Variants in TSPAN5 observed in about 807,000 individuals in gnomAD.
TSPAN5 encodes tetraspanin-5.
In TSPAN5, 10 loss-of-function variants were observed where a neutral mutation model predicts 37.1. The ratio of observed to expected loss-of-function variants is 0.27; its 90% CI spans 0.17 to 0.46. The LOEUF (loss-of-function observed/expected upper bound fraction) is 0.46, where lower values mean the gene tolerates loss of function less well. TSPAN5 is among the 20% of genes least tolerant of loss of function. The pLI is 1.00. For missense variants in TSPAN5, 195 were observed against 326.6 expected, an observed-to-expected ratio of 0.60 and a Z score of 3.11; for synonymous variants, 110 against 118.9, an observed-to-expected ratio of 0.93 and a Z score of 0.48.
chr4:98,519,714 C>T (rs534241502), intron 1 of TSPAN5, among the ~76,000 whole-genome samples: 4 of 152,216 alleles, frequency 2.6e-5, no homozygotes, highest in African/African-American at 9.6e-5. Flanking sequence ...CAGTTTTAGG[C>T]GTTATTACCA....
chr4:98,639,075 C>G (rs898560589), intron 1 of TSPAN5, among the ~76,000 whole-genome samples: 2 of 152,178 alleles, frequency 1.3e-5, no homozygotes, highest in African/African-American at 4.8e-5. Flanking sequence ...AAAGAACGTT[C>G]TTGGTATACT....
At position 98,528,221 on chromosome 4, in the gene TSPAN5, A is replaced by G. The variant is rs1754005243; in HGVS notation, c.82-20493T>C. ...CTATTCAATGGTTATGGACTAATAT[A>G]TGAACTCTCTTTAAAAGAAAAAAGT... is the stretch of plus-strand genomic sequence containing the variant. On this transcript the variant is annotated intron_variant, in intron 1 of 7. Coordinates refer to ENST00000305798, the MANE Select transcript of TSPAN5 (RefSeq NM_005723.4). 2.6e-5 allele frequency among the ~76,000 whole-genome samples: 4 copies of G among 152,300 alleles called. No homozygotes were observed. In the South Asian group the frequency reaches 8.3e-4, roughly 32 times the overall value.
At chr4:98,642,088 G>C (rs1756971005) in intron 1 of TSPAN5, among the ~76,000 whole-genome samples, 1 of 152,174 alleles carries the variant, frequency 6.6e-6, no homozygotes, top group South Asian at 2.1e-4. Flanking sequence ...GTGCTAAAAA[G>C]ATTGGCCAAA....
intron 1 of TSPAN5, among the ~76,000 whole-genome samples, chr4:98,546,868 C>T (rs528207038): frequency 5.9e-5 from 9 of 152,298 alleles, no homozygotes; most frequent in Non-Finnish European, 1.0e-4. Context: ...TTTCACAAAA[C>T]CCCCAATATC....
intron 1 of TSPAN5, among the ~76,000 whole-genome samples, chr4:98,569,057 C>T (rs1190975637): frequency 6.6e-6 from 1 of 152,210 alleles, no homozygotes; most frequent in African/African-American, 2.4e-5. Flanking sequence ...ACTGGCAAGC[C>T]TCCTGACTGT....
At chr4:98,515,935 A>G (rs1285288504) in intron 1 of TSPAN5, among the ~76,000 whole-genome samples, 2 of 152,144 alleles carry the variant, frequency 1.3e-5, no homozygotes, top group Non-Finnish European at 2.9e-5. Context: ...GATTAATTTA[A>G]TTTCTGCATT....
chr4:98,481,971 C>T (rs1277256349), intron 4 of TSPAN5, 34 bp downstream of exon 4: 2 of 1,608,962 alleles, frequency 1.2e-6, no homozygotes, highest in Non-Finnish European at 1.7e-6. Flanking sequence ...GTTCAGAGAA[C>T]TTTCAACTTG....
chr4:98,530,730 TACACAC>T (rs60087929), intron 1 of TSPAN5, among the ~76,000 whole-genome samples: 10 of 150,364 alleles, frequency 6.7e-5, no homozygotes, highest in East Asian at 4.0e-4. Context: ...ACACATATTA[TACACAC>T]ACACACACAC....
At chr4:98,520,661 C>A (rs1753833777) in intron 1 of TSPAN5, among the ~76,000 whole-genome samples, 1 of 152,184 alleles carries the variant, frequency 6.6e-6, no homozygotes, top group South Asian at 2.1e-4. Flanking sequence ...GTAATAACAC[C>A]TGCTGCAATG....
At chr4:98,636,482 G>C (rs1756858666) in intron 1 of TSPAN5, among the ~76,000 whole-genome samples, 3 of 152,192 alleles carry the variant, frequency 2.0e-5, no homozygotes, top group African/African-American at 7.2e-5. Context: ...GACATAATCA[G>C]AATTGCTGCT....
At chr4:98,609,820 G>A (rs1756138352) in intron 1 of TSPAN5, among the ~76,000 whole-genome samples, 2 of 152,158 alleles carry the variant, frequency 1.3e-5, no homozygotes, top group Admixed American at 6.5e-5. Flanking sequence ...AGAGACCAGG[G>A]GAGACAGGGC....
intron 4 of TSPAN5, 30 bp from the exon 5 acceptor site, chr4:98,478,840 C>T (rs772431218): frequency 6.2e-7 from 1 of 1,608,904 alleles, no homozygotes; most frequent in Non-Finnish European, 8.5e-7. Context: ...ATTAGAACAT[C>T]CCAACTTGGA....
rs563136298 is a variant in TSPAN5 at position 98,547,518 on chromosome 4, C to T, written c.82-39790G>A. Among the ~76,000 whole-genome samples the T allele has an allele frequency of 2.0e-5, 3 of 152,294 alleles. No homozygotes were observed. In the East Asian group the frequency reaches 5.8e-4, roughly 29 times the overall value. ...CATAGATTAACAATTCATCCTCGAG[C>T]TCAGATTCCTTTGTGCTTCTCCTAA... On this transcript the variant is annotated intron_variant, in intron 1 of 7. Transcript: ENST00000305798.
At chr4:98,558,738 G>A (rs1754809923) in intron 1 of TSPAN5, among the ~76,000 whole-genome samples, 1 of 152,094 alleles carries the variant, frequency 6.6e-6, no homozygotes, top group Non-Finnish European at 1.5e-5. Flanking sequence ...CACCCTTAGC[G>A]AGCCTCAGAG....
intron 1 of TSPAN5, among the ~76,000 whole-genome samples, chr4:98,599,459 CATAAA>C (rs993538716): frequency 4.5e-4 from 69 of 152,314 alleles, no homozygotes; most frequent in African/African-American, 1.6e-3. Flanking sequence ...GTATAATTTA[CATAAA>C]ATAAAATATA....
At chr4:98,614,157 T>G (rs1389667822) in intron 1 of TSPAN5, among the ~76,000 whole-genome samples, 1 of 152,224 alleles carries the variant, frequency 6.6e-6, no homozygotes, top group Non-Finnish European at 1.5e-5. Context: ...TTTTCAAAAG[T>G]CATTTGGTGT....
chr4:98,583,671 G>T (rs191531558), intron 1 of TSPAN5, among the ~76,000 whole-genome samples: 100 of 152,354 alleles, frequency 6.6e-4, no homozygotes, highest in Admixed American at 6.1e-3. Context: ...ACTAACTCCT[G>T]CTCATCACTT....
At chr4:98,539,844 T>C (rs542544825) in intron 1 of TSPAN5, among the ~76,000 whole-genome samples, 39 of 152,232 alleles carry the variant, frequency 2.6e-4, no homozygotes, top group Non-Finnish European at 1.0e-4. Flanking sequence ...GTAGAAAAGA[T>C]TGTGGCTGTG....
chr4:98,486,956 G>A (rs1020772292), intron 2 of TSPAN5, 72 bp from the exon 3 acceptor site: 13 of 1,507,958 alleles, frequency 8.6e-6, no homozygotes, highest in Admixed American at 5.6e-5. Flanking sequence ...AAAGATTATT[G>A]CATTTGTCCT....
Sources: gnomAD v4.1 joint callset for allele counts (sites outside exome capture counted in the v4.1 genomes callset) on GRCh38, gnomAD v4.1.1 for gene constraint, MANE v1.5 for transcripts, NCBI Gene and HGNC (gene_info 2026-07-23, HGNC 2026-07-21) for gene names.